BRK1: variants seen among roughly 807,000 people sequenced by gnomAD.
BRK1 encodes BRICK1 subunit of SCAR/WAVE actin nucleating complex.
Under a neutral mutation model 9.9 loss-of-function variants are expected in BRK1, and 6 were observed. That is an observed-to-expected ratio of 0.60 (90% CI 0.33 to 1.19). The LOEUF is 1.19. Ranked by LOEUF, BRK1 falls within the 50% of genes most tolerant of loss-of-function variation. The pLI is 0.04. For synonymous variants in BRK1, 44 were observed against 31.9 expected (o/e 1.38, Z -1.28); for missense variants, 62 against 97.5 (o/e 0.64, Z 1.53).
In BRK1 at chr3:10,118,368, T is replaced by C. The variant is rs117045301; in HGVS notation, c.118+2549T>C. On this transcript the variant is annotated intron_variant, in intron 1 of 2. Transcript: ENST00000530758. Reference sequence around the variant, plus strand: ...AAGGATAGACTTGAGTATGTTGTCTTGGTATTGAATGAGTCAGGATGACTA... The same window carrying C: ...AAGGATAGACTTGAGTATGTTGTCTCGGTATTGAATGAGTCAGGATGACTA... Among the ~76,000 whole-genome samples, 333 of 152,286 alleles carry C rather than the reference T, an allele frequency of 2.2e-3. 5 individuals are homozygous for C. The East Asian group carries it at 0.056, about 26-fold the overall frequency.
intron 1 of BRK1, among the ~76,000 whole-genome samples, chr3:10,118,505 T>G (rs1695715574): frequency 6.6e-6 from 1 of 152,026 alleles, no homozygotes; most frequent in African/African-American, 2.4e-5. Context: ...TTTTTTTTTT[T>G]GAGACAGATT....
rs199877068 is a variant in BRK1, at chr3:10,126,892, T to A, written c.*597T>A. ...ACTTGGAGTGTCTATGCCTCTCATATTTCCCTAATAAACTCCTCAACTTTT... is the reference window on the plus strand; with the variant it reads ...ACTTGGAGTGTCTATGCCTCTCATAATTCCCTAATAAACTCCTCAACTTTT... On this transcript the variant is annotated 3_prime_UTR_variant, in exon 3 of 3. Transcript: ENST00000530758. 2 of 152,756 alleles carry A rather than the reference T, an allele frequency of 1.3e-5. No individual in the cohort carries two copies. The highest frequency in any genetic ancestry group is 2.9e-5 in the Non-Finnish European group (2 of 68,086). 9.5% of individuals were successfully genotyped at this position (152,756 alleles called of 1,614,324 possible).
At chr3:10,123,061 CAAT>C (rs1695780283) in intron 1 of BRK1, among the ~76,000 whole-genome samples, 1 of 152,170 alleles carries the variant, frequency 6.6e-6, no homozygotes, top group Admixed American at 6.6e-5. Flanking sequence ...GACTGAACAA[CAAT>C]GTTGGAGGAG....
At chr3:10,117,454 C>T (rs1316428717) in intron 1 of BRK1, among the ~76,000 whole-genome samples, 4 of 139,286 alleles carry the variant, frequency 2.9e-5, no homozygotes, top group Admixed American at 1.5e-4. Flanking sequence ...AGTGCAGTGG[C>T]GTGATCTCAG....
At chr3:10,116,351 G>T (rs1695684673) in intron 1 of BRK1, among the ~76,000 whole-genome samples, 1 of 152,086 alleles carries the variant, frequency 6.6e-6, no homozygotes, top group South Asian at 2.1e-4. Context: ...CGGTGAGAGT[G>T]GTGGGAGATG....
At chr3:10,115,963 C>G (rs897543663) in intron 1 of BRK1, 144 bp downstream of exon 1, 9 of 677,552 alleles carry the variant, frequency 1.3e-5, no homozygotes, top group African/African-American at 1.2e-4. Flanking sequence ...CCACCTTCTC[C>G]CTCCCGCCCT....
chr3:10,121,838 C>T (rs1416904794), intron 1 of BRK1, among the ~76,000 whole-genome samples: 1 of 149,984 alleles, frequency 6.7e-6, no homozygotes, highest in Admixed American at 6.7e-5. Context: ...ACCTCGGCTT[C>T]CCAAAGTGCT....
At chr3:10,117,364 A>C (rs1368885539) in intron 1 of BRK1, among the ~76,000 whole-genome samples, 1 of 151,770 alleles carries the variant, frequency 6.6e-6, no homozygotes, top group African/African-American at 2.4e-5. Context: ...ATAGAGAGTA[A>C]AGACTTTATT....
intron 2 of BRK1, among the ~76,000 whole-genome samples, 162 bp from the exon 3 acceptor site, chr3:10,126,106 GA>G (rs1286300783): frequency 6.6e-6 from 1 of 151,960 alleles, no homozygotes; most frequent in African/African-American, 2.4e-5. Context: ...AACAAAAGAA[GA>G]GAAAAGTTAA....
chr3:10,117,897 G>A (rs1695707843), intron 1 of BRK1, among the ~76,000 whole-genome samples: 1 of 152,190 alleles, frequency 6.6e-6, no homozygotes, highest in South Asian at 2.1e-4. Flanking sequence ...AACTAAGTAA[G>A]AAGAGAATTA....
At chr3:10,120,085 A>C (rs1448542659) in intron 1 of BRK1, among the ~76,000 whole-genome samples, 1 of 152,004 alleles carries the variant, frequency 6.6e-6, no homozygotes, top group Non-Finnish European at 1.5e-5. Context: ...GCTGGAGTGC[A>C]GTGGTGCAAT....
chr3:10,118,295 G>C (rs976655836), intron 1 of BRK1, among the ~76,000 whole-genome samples: 1 of 151,102 alleles, frequency 6.6e-6, no homozygotes, highest in East Asian at 1.9e-4. Flanking sequence ...CAATGCAAGA[G>C]TTTAGAAAAA....
rs116321096 is a variant in BRK1, at chr3:10,123,247, G to T, written c.119-2379G>T. Among the ~76,000 whole-genome samples, 787 of 152,252 alleles carry T rather than the reference G, an allele frequency of 5.2e-3. 4 individuals carry two copies. Among genetic ancestry groups the T allele is most frequent in the South Asian group, 9.5e-3 (46 of 4,818 alleles). ...AAGATTGGAAAAGCTAGAGGAAGAAGAATAATTTTGGCTGTTTTCACAGAT... is the reference window on the plus strand; with the variant it reads ...AAGATTGGAAAAGCTAGAGGAAGAATAATAATTTTGGCTGTTTTCACAGAT... On this transcript the variant is annotated intron_variant, in intron 1 of 2. Transcript: ENST00000530758.
intron 1 of BRK1, among the ~76,000 whole-genome samples, chr3:10,121,374 G>A (rs1041912321): frequency 1.3e-5 from 2 of 152,148 alleles, no homozygotes; most frequent in African/African-American, 2.4e-5. Context: ...TTATAGCCCC[G>A]GAGGCACAGA....
chr3:10,121,434 C>CAGTG (rs1284569199), intron 1 of BRK1, among the ~76,000 whole-genome samples: 1 of 152,108 alleles, frequency 6.6e-6, no homozygotes, highest in East Asian at 1.9e-4. Context: ...GAAAGAATAC[C>CAGTG]AGTGACCCAA....
intron 1 of BRK1, 118 bp from the exon 2 acceptor site, chr3:10,125,508 T>G: frequency 1.6e-6 from 1 of 642,162 alleles, no homozygotes; most frequent in East Asian, 2.9e-5. Flanking sequence ...ATCTTAGCAC[T>G]GTATCCATTT....
At chr3:10,119,145 A>G (rs1046782604) in intron 1 of BRK1, among the ~76,000 whole-genome samples, 1 of 146,156 alleles carries the variant, frequency 6.8e-6, no homozygotes, top group African/African-American at 2.5e-5. Flanking sequence ...CTCCATCTCA[A>G]AAAAAAAAAA....
chr3:10,118,083 G>A (rs563933513), intron 1 of BRK1, among the ~76,000 whole-genome samples: 51 of 152,022 alleles, frequency 3.4e-4, no homozygotes, highest in African/African-American at 1.2e-3. Flanking sequence ...GTGAAACCCT[G>A]TCTCTACTAA....
intron 1 of BRK1, among the ~76,000 whole-genome samples, chr3:10,118,393 A>G (rs748873762): frequency 3.9e-5 from 6 of 152,180 alleles, no homozygotes; most frequent in Non-Finnish European, 7.3e-5. Flanking sequence ...CAGGATGACT[A>G]TGTATGGGAT....
Sources: gnomAD v4.1 joint callset for allele counts (sites outside exome capture counted in the v4.1 genomes callset) on GRCh38, gnomAD v4.1.1 for gene constraint, MANE v1.5 for transcripts, NCBI Gene and HGNC (gene_info 2026-07-23, HGNC 2026-07-21) for gene names.